Variants in IQCM observed in about 807,000 individuals in gnomAD.
The protein encoded by IQCM is IQ motif containing M.
IQCM carries 45 observed loss-of-function variants against 57.6 expected under a neutral mutation model. The observed-to-expected ratio is 0.78, with a 90% CI of 0.62 to 1.00. The LOEUF (loss-of-function observed/expected upper bound fraction) is 1.00. IQCM is among the 50% of genes least tolerant of loss of function. The pLI is 0.00. For synonymous variants in IQCM, 148 were observed against 158.9 expected (o/e 0.93, Z 0.51); for missense variants, 468 against 511.6 (o/e 0.91, Z 0.82).
At chr4:149,552,996 T>C (rs960394099) in intron 11 of IQCM, 147 bp downstream of exon 11, 2 of 527,806 alleles carry the variant, frequency 3.8e-6, no homozygotes, top group Non-Finnish European at 5.8e-6. Flanking sequence ...AATTCAAATG[T>C]ACAACATGCT....
At chr4:149,680,647 T>A (rs552601310) in intron 7 of IQCM, among the ~76,000 whole-genome samples, 2 of 151,398 alleles carry the variant, frequency 1.3e-5, no homozygotes, top group Non-Finnish European at 3.0e-5. Context: ...TCTTTTAGCT[T>A]CTATGAAGTT....
At chr4:149,496,069 G>T (rs1742624675) in intron 12 of IQCM, among the ~76,000 whole-genome samples, 1 of 152,070 alleles carries the variant, frequency 6.6e-6, no homozygotes, top group South Asian at 2.1e-4. Flanking sequence ...CCTTTGTACG[G>T]GGAAGTGGGC....
chr4:149,552,376 G>T (rs1749124079), intron 11 of IQCM, among the ~76,000 whole-genome samples: 1 of 152,196 alleles, frequency 6.6e-6, no homozygotes, highest in Admixed American at 6.5e-5. Context: ...GTAAGACAAT[G>T]ATTCCAATTA....
chr4:149,657,524 C>T (rs1256183691), intron 7 of IQCM, among the ~76,000 whole-genome samples: 1 of 151,992 alleles, frequency 6.6e-6, no homozygotes, highest in African/African-American at 2.4e-5. Context: ...GGATACAGAC[C>T]CAGTAGTTTG....
At chr4:149,741,771 G>A (rs911809438) in intron 3 of IQCM, among the ~76,000 whole-genome samples, 1 of 152,276 alleles carries the variant, frequency 6.6e-6, no homozygotes, top group South Asian at 2.1e-4. Context: ...TAATAATAAT[G>A]TATGGTATAC....
intron 5 of IQCM, among the ~76,000 whole-genome samples, chr4:149,731,400 C>T (rs1766445934): frequency 6.6e-6 from 1 of 152,050 alleles, no homozygotes; most frequent in African/African-American, 2.4e-5. Context: ...AAACCACATG[C>T]TAGTTAGTAC....
At chr4:149,534,137 T>C (rs1747042406) in intron 12 of IQCM, among the ~76,000 whole-genome samples, 1 of 152,140 alleles carries the variant, frequency 6.6e-6, no homozygotes, top group Admixed American at 6.6e-5. Flanking sequence ...TTTCTTAGAA[T>C]CAACTTATTT....
intron 13 of IQCM, among the ~76,000 whole-genome samples, chr4:149,375,803 G>C (rs1025049093): frequency 3.3e-5 from 5 of 152,068 alleles, no homozygotes. Context: ...CTGCTTCAAG[G>C]TTATTTTGAT....
chr4:149,389,898 A>G (rs1257248953), intron 13 of IQCM, among the ~76,000 whole-genome samples: 11 of 152,058 alleles, frequency 7.2e-5, no homozygotes, highest in Non-Finnish European at 1.6e-4. Flanking sequence ...AGAATCCTCC[A>G]ATTCAAATGG....
At chr4:149,797,188 GA>G (rs978594662) in intron 2 of IQCM, among the ~76,000 whole-genome samples, 2 of 152,016 alleles carry the variant, frequency 1.3e-5, no homozygotes, top group African/African-American at 4.8e-5. Flanking sequence ...AAGGAATTCA[GA>G]ATTCTATCAG....
At position 149,527,918 on chromosome 4, in the gene IQCM, T is replaced by C. The variant is rs77015423; in HGVS notation, c.1228+20537A>G. On this transcript the variant is annotated intron_variant, in intron 12 of 13. Transcript: ENST00000636793. ...ACTCAAGAACAGTATTTCTTCCTAG[T>C]CATCTTGTACATAATAGGTACTTAA... is the stretch of plus-strand genomic sequence containing the variant. Among the ~76,000 whole-genome samples the C allele has an allele frequency of 2.6e-4, 40 of 152,146 alleles. No individual in the cohort carries two copies. The East Asian group carries it at 7.3e-3, about 28-fold the overall frequency.
At chr4:149,724,950 AT>A (rs1765763587) in intron 5 of IQCM, among the ~76,000 whole-genome samples, 1 of 152,054 alleles carries the variant, frequency 6.6e-6, no homozygotes, top group African/African-American at 2.4e-5. Context: ...AATAATTAAG[AT>A]TCATAAATTA....
intron 2 of IQCM, chr4:149,748,626 A>G (rs1453549507): frequency 3.9e-5 from 6 of 152,134 alleles, no homozygotes; most frequent in Non-Finnish European, 8.8e-5. Flanking sequence ...TGATACTGTT[A>G]TGTATAAAAT....
intron 13 of IQCM, among the ~76,000 whole-genome samples, chr4:149,357,833 C>T (rs936932647): frequency 1.3e-5 from 2 of 152,116 alleles, no homozygotes; most frequent in Admixed American, 6.5e-5. Context: ...CCAGCTCGTC[C>T]TTGTACCTCT....
chr4:149,638,403 C>A (rs1246405952), intron 7 of IQCM, among the ~76,000 whole-genome samples: 1 of 151,528 alleles, frequency 6.6e-6, no homozygotes, highest in Non-Finnish European at 1.5e-5. Flanking sequence ...AATTGCACAG[C>A]CAGGTATTAA....
chr4:149,374,537 G>A (rs1730576450), intron 13 of IQCM, among the ~76,000 whole-genome samples: 1 of 152,006 alleles, frequency 6.6e-6, no homozygotes, highest in Non-Finnish European at 1.5e-5. Flanking sequence ...TGACAGCCAA[G>A]CCTAACAAAC....
At chr4:149,721,874 T>C (rs902828404) in intron 5 of IQCM, among the ~76,000 whole-genome samples, 2 of 152,080 alleles carry the variant, frequency 1.3e-5, no homozygotes, top group Non-Finnish European at 2.9e-5. Context: ...ACTGTACTAT[T>C]TTCCATAAAG....
intron 7 of IQCM, among the ~76,000 whole-genome samples, chr4:149,634,908 T>C (rs1312251361): frequency 1.3e-5 from 2 of 152,174 alleles, no homozygotes; most frequent in Non-Finnish European, 2.9e-5. Context: ...AGAAGGGAAT[T>C]GGATGGGTGC....
At chr4:149,501,588 C>A (rs1309007796) in intron 12 of IQCM, among the ~76,000 whole-genome samples, 1 of 151,600 alleles carries the variant, frequency 6.6e-6, no homozygotes, top group African/African-American at 2.4e-5. Context: ...AGAGGGTCCA[C>A]CAACAAAAAA....
Sources: gnomAD v4.1 joint callset for allele counts (sites outside exome capture counted in the v4.1 genomes callset) on GRCh38, gnomAD v4.1.1 for gene constraint, MANE v1.5 for transcripts, NCBI Gene and HGNC (gene_info 2026-07-23, HGNC 2026-07-21) for gene names.